The following PCDH9 variants were observed in gnomAD, a reference collection of about 807,000 sequenced individuals.
The protein encoded by PCDH9 is protocadherin-9.
In PCDH9, 24 loss-of-function variants were observed where a neutral mutation model predicts 70.6. That is an observed-to-expected ratio of 0.34 (90% CI 0.25 to 0.48). The LOEUF is 0.48. Ranked by LOEUF, PCDH9 falls within the 20% of genes least tolerant of loss-of-function variation. The pLI, the probability that PCDH9 is intolerant of heterozygous loss-of-function variation, is 0.99. For synonymous variants in PCDH9, 562 were observed against 558.5 expected, an observed-to-expected ratio of 1.01 and a Z score of -0.09; for missense variants, 1,281 against 1,503.6, an observed-to-expected ratio of 0.85 and a Z score of 2.45.
intron 2 of PCDH9, among the ~76,000 whole-genome samples, chr13:67,138,230 C>T (rs1471527217): frequency 2.6e-5 from 4 of 152,116 alleles, no homozygotes; most frequent in African/African-American, 9.7e-5. Flanking sequence ...AGAACACATC[C>T]CCATTTCATT....
At chr13:66,684,520 C>T (rs1016590608) in intron 3 of PCDH9, among the ~76,000 whole-genome samples, 2 of 152,064 alleles carry the variant, frequency 1.3e-5, no homozygotes, top group Middle Eastern at 3.2e-3. Flanking sequence ...AATGAGTTCC[C>T]ACAAGAAAAC....
chr13:67,009,686 CA>C (rs1473549086), intron 2 of PCDH9, among the ~76,000 whole-genome samples: 1 of 151,970 alleles, frequency 6.6e-6, no homozygotes, highest in African/African-American at 2.4e-5. Context: ...CTCTCAAGAC[CA>C]TTTATTTATT....
intron 4 of PCDH9, among the ~76,000 whole-genome samples, chr13:66,468,878 T>C (rs1336304611): frequency 1.3e-5 from 2 of 152,046 alleles, no homozygotes; most frequent in African/African-American, 4.8e-5. Flanking sequence ...GTTACAGTCA[T>C]GTCCACAAAG....
At chr13:66,368,207 C>CATTACTAAATGAG (rs1956585008) in intron 4 of PCDH9, among the ~76,000 whole-genome samples, 1 of 151,936 alleles carries the variant, frequency 6.6e-6, no homozygotes, top group African/African-American at 2.4e-5. Context: ...TTCTAAATGT[C>CATTACTAAATGAG]TTTAACATTA....
chr13:66,456,343 C>T (rs892838564), intron 4 of PCDH9, among the ~76,000 whole-genome samples: 15 of 152,078 alleles, frequency 9.9e-5, no homozygotes, highest in Non-Finnish European at 1.0e-4. Context: ...CTCACTATAA[C>T]CTCGAACTCC....
At chr13:67,126,917 C>A (rs1210234624) in intron 2 of PCDH9, among the ~76,000 whole-genome samples, 1 of 152,100 alleles carries the variant, frequency 6.6e-6, no homozygotes, top group Non-Finnish European at 1.5e-5. Flanking sequence ...CTGACGCTGG[C>A]ACTTTCCAAA....
intron 4 of PCDH9, among the ~76,000 whole-genome samples, chr13:66,548,497 G>A (rs1566408437): frequency 6.6e-6 from 1 of 151,988 alleles, no homozygotes; most frequent in African/African-American, 2.4e-5. Context: ...CCCAGGAGGT[G>A]GAGGTTGCAG....
chr13:66,431,040 C>T (rs1323540982), intron 4 of PCDH9, among the ~76,000 whole-genome samples: 9 of 152,032 alleles, frequency 5.9e-5, no homozygotes, highest in Non-Finnish European at 5.9e-5. Context: ...ACTGGGATAT[C>T]TATACATCTT....
chr13:66,966,105 T>G (rs909301296), intron 2 of PCDH9, among the ~76,000 whole-genome samples: 6 of 152,128 alleles, frequency 3.9e-5, no homozygotes, highest in Admixed American at 3.3e-4. Context: ...GCTCTTCTTA[T>G]TTCTAGACAT....
chr13:66,547,780 T>C (rs1961271958), intron 4 of PCDH9, among the ~76,000 whole-genome samples: 1 of 151,070 alleles, frequency 6.6e-6, no homozygotes, highest in African/African-American at 2.4e-5. Flanking sequence ...GCCCATAAGA[T>C]AGAATGCGCA....
In PCDH9 at chr13:66,645,923, C is replaced by A. The variant is rs763488540; in HGVS notation, c.3139-14512G>T. ...GATCCAATCTATACAGGGAAGTCTT[C>A]CAGTAAGGGATATAGCAGGACATGA... On this transcript the variant is annotated intron_variant, in intron 3 of 4. Coordinates refer to ENST00000377865, the MANE Select transcript of PCDH9 (RefSeq NM_203487.3). Among the ~76,000 whole-genome samples the A allele has an allele frequency of 2.6e-5, 4 of 152,234 alleles. No individual in the cohort carries two copies. In the East Asian group the frequency reaches 7.7e-4, roughly 29 times the overall value.
chr13:66,598,783 C>G (rs77001866), intron 4 of PCDH9, among the ~76,000 whole-genome samples: 5,115 of 151,888 alleles, frequency 0.034, 308 homozygotes, highest in African/African-American at 0.12. Flanking sequence ...ACTAACAGAT[C>G]TTGTATAAAT....
intron 4 of PCDH9, among the ~76,000 whole-genome samples, chr13:66,337,372 A>T (rs1424068788): frequency 6.6e-6 from 1 of 152,068 alleles, no homozygotes; most frequent in Admixed American, 6.6e-5. Context: ...CTCTTCTTTG[A>T]AAAACTAGGT....
intron 4 of PCDH9, among the ~76,000 whole-genome samples, chr13:66,324,293 A>T (rs1228207026): frequency 1.3e-5 from 2 of 151,994 alleles, no homozygotes; most frequent in Non-Finnish European, 2.9e-5. Flanking sequence ...CACGAGACAA[A>T]AAAGGTAGAT....
intron 4 of PCDH9, among the ~76,000 whole-genome samples, chr13:66,599,333 A>G (rs904354202): frequency 1.3e-5 from 2 of 151,806 alleles, no homozygotes; most frequent in East Asian, 3.9e-4. Context: ...AAAAAACCAG[A>G]TATATTTAAA....
intron 3 of PCDH9, among the ~76,000 whole-genome samples, chr13:66,835,307 C>T (rs1041221336): frequency 6.6e-6 from 1 of 152,200 alleles, no homozygotes; most frequent in African/African-American, 2.4e-5. Context: ...GTCTTGTTGA[C>T]ATAATCGAGC....
At chr13:67,004,298 T>A in intron 2 of PCDH9, among the ~76,000 whole-genome samples, 1 of 151,956 alleles carries the variant, frequency 6.6e-6, no homozygotes, top group East Asian at 1.9e-4. Context: ...AGGACAGTTG[T>A]GTTGGCTCGC....
rs538159076 is a variant in PCDH9 at position 67,129,296 on chromosome 13, A to G, written c.3036+96109T>C. On this transcript the variant is annotated intron_variant, in intron 2 of 4. Coordinates refer to ENST00000377865, the MANE Select transcript of PCDH9 (RefSeq NM_203487.3). ...TGATGAACAGAATCTGGCAATTGCT[A>G]TAATTATATTCATGGTAATTATGCC... Among the ~76,000 whole-genome samples, 33 of 152,324 alleles carry G rather than the reference A, an allele frequency of 2.2e-4. No individual in the cohort carries two copies. In the South Asian group the frequency reaches 4.6e-3, roughly 21 times the overall value.
At chr13:66,325,746 C>A (rs914446315) in intron 4 of PCDH9, among the ~76,000 whole-genome samples, 1 of 150,936 alleles carries the variant, frequency 6.6e-6, no homozygotes. Flanking sequence ...ATTTTATTCA[C>A]AATTTTTAAA....
Sources: allele counts gnomAD v4.1 joint callset (sites outside exome capture counted in the v4.1 genomes callset), GRCh38; gene constraint gnomAD v4.1.1; transcripts MANE v1.5; gene names NCBI Gene and HGNC (gene_info 2026-07-23, HGNC 2026-07-21).